BORCS5: variants seen among roughly 807,000 people sequenced by gnomAD.
BORCS5 encodes the protein BLOC-1-related complex subunit 5.
BORCS5 carries 17 observed loss-of-function variants against 22.1 expected under a neutral mutation model. The observed-to-expected ratio is 0.77, with a 90% CI of 0.53 to 1.15. The LOEUF (loss-of-function observed/expected upper bound fraction) is 1.15, where lower values mean the gene tolerates loss of function less well. BORCS5 is among the 50% of genes most tolerant of loss of function. The pLI is 0.00. For missense variants in BORCS5, 247 were observed against 253.2 expected, an observed-to-expected ratio of 0.98 and a Z score of 0.17; for synonymous variants, 117 against 99.8, an observed-to-expected ratio of 1.17 and a Z score of -1.03.
chr12:12,446,675 C>T (rs1020012278), intron 3 of BORCS5, among the ~76,000 whole-genome samples: 4 of 152,182 alleles, frequency 2.6e-5, no homozygotes, highest in Non-Finnish European at 5.9e-5. Context: ...TTTTCTTCTG[C>T]CCACGTTGAC....
In BORCS5 at chr12:12,435,707, C is replaced by G; in HGVS notation, c.282C>G (p.Leu94=). The G allele has an allele frequency of 1.9e-6, 3 of 1,614,088 alleles. No homozygotes were observed. Among genetic ancestry groups the G allele is most frequent in the Non-Finnish European group, 2.5e-6 (3 of 1,179,998 alleles). ...LDSQQVLQLC[L]RYQDHLHQCA... is the part of the protein sequence containing the mutation. ...CTCAGCAGGTGTTGCAGCTCTGCCT[C>G]CGATATCAAGATCACCTGCATCAGT... The change falls in exon 3 of 4, where the codon CTC becomes CTG. Residue 94 remains leucine (L), a synonymous_variant. Coordinates refer to ENST00000314565, the MANE Select transcript of BORCS5 (RefSeq NM_058169.6).
chr12:12,454,749 CATACA>C, intron 3 of BORCS5, among the ~76,000 whole-genome samples: 1 of 152,156 alleles, frequency 6.6e-6, no homozygotes, highest in Non-Finnish European at 1.5e-5. Context: ...ATAATATAAA[CATACA>C]TGTTTATAGC....
chr12:12,463,596 A>G (rs914087484), intron 3 of BORCS5, among the ~76,000 whole-genome samples: 6 of 152,166 alleles, frequency 3.9e-5, no homozygotes, highest in African/African-American at 1.4e-4. Flanking sequence ...TTTTTCTTCC[A>G]TGGAGCATAA....
At chr12:12,384,716 C>T (rs76333535) in intron 2 of BORCS5, among the ~76,000 whole-genome samples, 1,592 of 151,120 alleles carry the variant, frequency 0.011, 59 homozygotes, top group African/African-American at 0.033. Flanking sequence ...TTTTAAAAGA[C>T]GACAATCACT....
chr12:12,376,682 A>G (rs949615273), intron 2 of BORCS5, among the ~76,000 whole-genome samples: 10 of 152,248 alleles, frequency 6.6e-5, no homozygotes, highest in African/African-American at 2.2e-4. Flanking sequence ...TAACAGTTAC[A>G]TAGGCCAAAG....
At chr12:12,411,722 A>G (rs1299400828) in intron 2 of BORCS5, among the ~76,000 whole-genome samples, 1 of 152,190 alleles carries the variant, frequency 6.6e-6, no homozygotes, top group African/African-American at 2.4e-5. Context: ...TTCTCACTAT[A>G]GGAAACTATA....
At chr12:12,418,407 C>T (rs1942028684) in intron 2 of BORCS5, among the ~76,000 whole-genome samples, 1 of 152,046 alleles carries the variant, frequency 6.6e-6, no homozygotes, top group Non-Finnish European at 1.5e-5. Context: ...CTATTTTGGT[C>T]AGCTACAGTA....
At chr12:12,381,988 C>G (rs1393431223) in intron 2 of BORCS5, among the ~76,000 whole-genome samples, 1 of 151,330 alleles carries the variant, frequency 6.6e-6, no homozygotes, top group Non-Finnish European at 1.5e-5. Context: ...ATTATATCTT[C>G]ATGATGTAAC....
intron 2 of BORCS5, among the ~76,000 whole-genome samples, chr12:12,377,168 A>AT (rs1863673352): frequency 6.8e-6 from 1 of 148,080 alleles, no homozygotes; most frequent in African/African-American, 2.5e-5. Context: ...AAGAGTTGAG[A>AT]TTTTGTCCTT....
At chr12:12,436,412 A>T (rs1466421716) in intron 3 of BORCS5, among the ~76,000 whole-genome samples, 1 of 152,266 alleles carries the variant, frequency 6.6e-6, no homozygotes, top group Non-Finnish European at 1.5e-5. Context: ...ACTTCCTTTA[A>T]GCACTTAAAT....
chr12:12,373,620 T>C (rs1863578314), intron 2 of BORCS5, among the ~76,000 whole-genome samples: 1 of 152,254 alleles, frequency 6.6e-6, no homozygotes, highest in South Asian at 2.1e-4. Context: ...TTTTCCATTT[T>C]ACTTATAAGA....
intron 3 of BORCS5, among the ~76,000 whole-genome samples, chr12:12,461,927 A>G (rs1943112870): frequency 6.6e-6 from 1 of 152,126 alleles, no homozygotes; most frequent in Admixed American, 6.5e-5. Context: ...TATTCATTTA[A>G]TTTTTCTTAA....
Position 12,413,911 on chromosome 12 carries a change from T to G in BORCS5, c.203-21717T>G, listed in dbSNP as rs1412198529. ...TGACCCCCCCACCTCCCTCCCGGAC[T>G]GGGCGGCTGGCCGGGCGGGGGGCTG... On this transcript the variant is annotated intron_variant, in intron 2 of 3. Transcript: ENST00000314565. Among the ~76,000 whole-genome samples the G allele has an allele frequency of 1.1e-3, 31 of 27,640 alleles. 1 individual carries two copies. Among genetic ancestry groups the G allele is most frequent in the Admixed American group, 9.6e-4 (3 of 3,122 alleles). 18.1% of individuals were successfully genotyped at this position (27,640 alleles called of 152,430 possible).
intron 2 of BORCS5, among the ~76,000 whole-genome samples, chr12:12,420,378 G>A (rs1942083288): frequency 6.6e-6 from 1 of 152,156 alleles, no homozygotes; most frequent in Admixed American, 6.5e-5. Context: ...TTATTTCTGA[G>A]GGCTCTGTTC....
chr12:12,383,087 A>G (rs1252733775), intron 2 of BORCS5, among the ~76,000 whole-genome samples: 5 of 150,862 alleles, frequency 3.3e-5, no homozygotes, highest in Admixed American at 1.3e-4. Flanking sequence ...GCCTCCTTTT[A>G]TATTAAATAC....
intron 3 of BORCS5, among the ~76,000 whole-genome samples, chr12:12,439,491 A>G (rs553046331): frequency 2.6e-5 from 4 of 152,088 alleles, no homozygotes; most frequent in South Asian, 4.2e-4. Context: ...AAAAACAAAC[A>G]GGCATGGTGG....
At chr12:12,436,925 A>G (rs1254511372) in intron 3 of BORCS5, among the ~76,000 whole-genome samples, 1 of 152,178 alleles carries the variant, frequency 6.6e-6, no homozygotes, top group African/African-American at 2.4e-5. Flanking sequence ...TTATAAACTT[A>G]TTTTACTATA....
chr12:12,382,828 C>T (rs1268023139), intron 2 of BORCS5, among the ~76,000 whole-genome samples: 1 of 151,166 alleles, frequency 6.6e-6, no homozygotes, highest in Non-Finnish European at 1.5e-5. Flanking sequence ...CCACCGTGCC[C>T]AGTGGGTATG....
intron 2 of BORCS5, among the ~76,000 whole-genome samples, chr12:12,429,574 G>C (rs1417977864): frequency 6.7e-6 from 1 of 149,574 alleles, no homozygotes; most frequent in Non-Finnish European, 1.5e-5. Flanking sequence ...TTATAAGAAT[G>C]ACTTAAAGTG....
Sources: gnomAD v4.1 joint callset for allele counts (sites outside exome capture counted in the v4.1 genomes callset) on GRCh38, gnomAD v4.1.1 for gene constraint, MANE v1.5 for transcripts, NCBI Gene and HGNC (gene_info 2026-07-23, HGNC 2026-07-21) for gene names.